TTN: variants seen among roughly 807,000 people sequenced by gnomAD.
TTN encodes the protein titin.
TTN carries 1,525 observed loss-of-function variants against 3,223.0 expected under a neutral mutation model. The observed-to-expected ratio is 0.47, with a 90% CI of 0.45 to 0.49. The LOEUF is 0.49. Among genes scored for constraint, TTN ranks in the 20% least tolerant of loss-of-function variants. TTN has a pLI of 0.00. For missense variants in TTN, 40,786 were observed against 43,424.0 expected (o/e 0.94, Z 5.40); for synonymous variants, 14,094 against 15,161.0 (o/e 0.93, Z 5.17).
chr2:178,745,419 AC>A, intron 47 of TTN: 1 of 1,444,992 alleles, frequency 6.9e-7, no homozygotes, highest in Non-Finnish European at 9.1e-7. Context: ...TACATGTATT[AC>A]AAAGATGAGA....
chr2:178,602,046 T>C lies in TTN; in HGVS notation c.55225A>G (p.Lys18409Glu). The change falls in exon 284 of 363, where the codon AAA becomes GAA. Residue 18409 changes from lysine (K) to glutamate (E), a missense_variant. By Grantham distance (56) the Lys-to-Glu change is moderately conservative. Transcript: ENST00000589042. ...TTTCCATCAAATTCCCAAGATGATT[T>C]TGGTGTTGGGCGTCCCTTGATGACA... ...PAVIKGRPTPKSSWEFDGKAK... is the reference protein window; with the variant it reads ...PAVIKGRPTPESSWEFDGKAK... 2 of 1,612,796 alleles carry C rather than the reference T, an allele frequency of 1.2e-6. No homozygotes were observed. The highest frequency in any genetic ancestry group is 1.1e-5 in the South Asian group (1 of 91,026).
chr2:178,698,245 G>A (rs1378562388), intron 112 of TTN, among the ~76,000 whole-genome samples: 1 of 149,514 alleles, frequency 6.7e-6, no homozygotes, highest in Admixed American at 6.7e-5. Flanking sequence ...GAGGGAATGG[G>A]GAAATGTTGG....
At chr2:178,730,442 A>T in intron 61 of TTN, 63 bp downstream of exon 61, 2 of 1,553,154 alleles carry the variant, frequency 1.3e-6, no homozygotes, top group Non-Finnish European at 1.7e-6. Flanking sequence ...TAAAGGTGAA[A>T]ATTTAGAAAT....
rs1689939056 is a variant in TTN at position 178,793,255 on chromosome 2, C to T, written c.1536+149G>A. On this transcript the variant is annotated intron_variant, in intron 9 of 362. Coordinates refer to ENST00000589042, the MANE Select transcript of TTN (RefSeq NM_001267550.2). The stretch of plus-strand genomic sequence containing the variant: ...CACTACCAAACTTTGGTATCCAGTA[C>T]CCAGAAATTTACACATACAACAAGG... The T allele has an allele frequency of 4.8e-6, 6 of 1,243,812 alleles. No individual in the cohort carries two copies. In the Admixed American group the frequency reaches 1.4e-4, roughly 29 times the overall value. The allele number at this position is 1,243,812 out of a possible 1,614,324, so 77.0% of individuals were successfully genotyped here. A position where few individuals can be genotyped will look rare whatever the true frequency, so the allele number is the denominator to read the frequency against.
Position 178,782,914 on chromosome 2 carries a change from C to A in TTN, c.2992G>T (p.Ala998Ser). 3 of 1,614,074 alleles carry A rather than the reference C, an allele frequency of 1.9e-6. No homozygotes were observed. Among genetic ancestry groups the A allele is most frequent in the Non-Finnish European group, 2.5e-6 (3 of 1,179,992 alleles). The change falls in exon 18 of 363, where the codon GCT becomes TCT. Residue 998 changes from alanine (A) to serine (S), a missense_variant. By Grantham distance (99) the Ala-to-Ser change is moderately conservative. Coordinates refer to ENST00000589042, the MANE Select transcript of TTN (RefSeq NM_001267550.2). ...DFQITFQSGI[A>S]RLMIREAFAE... ...AATGCTTCGCGAATCATAAGACGAG[C>A]AATTCCACTCTGGAAGGTTATCTGG...
intron 213 of TTN, among the ~76,000 whole-genome samples, chr2:178,648,255 G>C (rs1202101068): frequency 6.6e-6 from 1 of 151,864 alleles, no homozygotes; most frequent in Non-Finnish European, 1.5e-5. Flanking sequence ...TTTATATCTG[G>C]TATTATCTTT....
chr2:178,552,851 C>T lies in TTN; in HGVS notation c.90049G>A (p.Glu30017Lys), dbSNP rs1559211738. 1 of 1,613,778 alleles carries T rather than the reference C, an allele frequency of 6.2e-7. No homozygotes were observed. Among genetic ancestry groups the T allele is most frequent in the Non-Finnish European group, 8.5e-7 (1 of 1,179,794 alleles). The change falls in exon 335 of 363, where the codon GAA (glutamate) becomes AAA (lysine). Residue 30017 changes from glutamate to lysine, a missense_variant. Coordinates refer to ENST00000589042, the MANE Select transcript of TTN (RefSeq NM_001267550.2). Reference sequence around the variant, plus strand: ...ACTGGCTCTGTAGTTTCACAGGGTTCCCCAATTCCAATTTCATTTTCTGCA... The same window carrying T: ...ACTGGCTCTGTAGTTTCACAGGGTTTCCCAATTCCAATTTCATTTTCTGCA... ...VLAENEIGIG[E>K]PCETTEPVKA...
At chr2:178,751,176 G>A (rs376931109) in intron 47 of TTN, 1 of 1,611,298 alleles carries the variant, frequency 6.2e-7, no homozygotes, top group Non-Finnish European at 8.5e-7. Flanking sequence ...CTAGAGAACA[G>A]AATATCTTTA....
At chr2:178,799,757 C>T (rs1225455601) in intron 5 of TTN, 26 bp from the exon 6 acceptor site, 5 of 1,614,050 alleles carry the variant, frequency 3.1e-6, no homozygotes, top group African/African-American at 2.7e-5. Flanking sequence ...ACAAAGCCCA[C>T]GTTGAGGAGG....
chr2:178,577,644 G>A lies in TTN; in HGVS notation c.68782C>T (p.Pro22928Ser), dbSNP rs1206552803. The A allele has an allele frequency of 1.2e-6, 2 of 1,612,528 alleles. No homozygotes were observed. The highest frequency in any genetic ancestry group is 1.7e-6 in the Non-Finnish European group (2 of 1,179,382). The change falls in exon 323 of 363, where the codon CCA (proline) becomes TCA (serine). Residue 22928 changes from proline (P) to serine (S), a missense_variant. Pro to Ser is a moderately conservative substitution (Grantham distance 74). Coordinates refer to ENST00000589042, the MANE Select transcript of TTN (RefSeq NM_001267550.2). ...ATAATGGTTTCTGTACTTTCTGATG[G>A]AGCACTGATAGCACCTGCTGTATTC... ...AKNTAGAISA[P>S]SESTETIICK...
In TTN at chr2:178,675,048, G is replaced by C; in HGVS notation, c.34603C>G (p.Pro11535Ala). 1 of 1,536,166 alleles carries C rather than the reference G, an allele frequency of 6.5e-7. No individual in the cohort carries two copies. The highest frequency in any genetic ancestry group is 8.7e-7 in the Non-Finnish European group (1 of 1,147,996). ...IILPKEEEVL[P>A]VEVTEEPEEE... ...TTAGAAAGTTATCTACCTTCAACTG[G>C]TAGAACTTCCTCTTCTTTAGGGAGA... is the stretch of plus-strand genomic sequence containing the variant. Residue 11535 changes from proline (P) to alanine (A), a missense_variant, in exon 150 of 363, where the codon CCA becomes GCA. Pro to Ala is a conservative substitution (Grantham distance 27, BLOSUM62 -1). Transcript: ENST00000589042.
At position 178,733,848 on chromosome 2, in the gene TTN, C is replaced by T. The variant is rs1477393359; in HGVS notation, c.15541G>A (p.Gly5181Arg). Residue 5181 changes from glycine (G) to arginine (R), a missense_variant, in exon 53 of 363, where the codon GGA (glycine) becomes AGA (arginine). By Grantham distance (125) the Gly-to-Arg change is moderately radical. Transcript: ENST00000589042. ...VKKVDDLIAL[G>R]GQTVTLQAAV... The stretch of plus-strand genomic sequence containing the variant: ...GCTTGCAGGGTAACGGTTTGTCCTC[C>T]TAGTGCAATCAAATCATCTACTTTC... 4.4e-6 allele frequency: 7 copies of T among 1,608,266 alleles called. No individual in the cohort carries two copies. The East Asian group carries it at 1.6e-4, about 36-fold the overall frequency.
chr2:178,792,139 G>A lies in TTN; in HGVS notation c.1595C>T (p.Ala532Val). The A allele has an allele frequency of 1.9e-6, 3 of 1,611,890 alleles. No homozygotes were observed. The highest frequency in any genetic ancestry group is 2.5e-6 in the Non-Finnish European group (3 of 1,179,350). ...AGAAATTCTAGTTTCTTGTTCTTTG[G>A]CTTTAGCTGCGGAAATTACTACCTT... ...VPKVVISAAK[A>V]KEQETRISEE... The change falls in exon 10 of 363, where the codon GCC becomes GTC. Residue 532 changes from alanine (A) to valine (V), a missense_variant. Physicochemically the swap from Ala to Val is moderately conservative, Grantham distance 64. Coordinates refer to ENST00000589042, the MANE Select transcript of TTN (RefSeq NM_001267550.2).
At chr2:178,726,182 G>T in intron 69 of TTN, 136 bp from the exon 70 acceptor site, 1 of 1,032,996 alleles carries the variant, frequency 9.7e-7, no homozygotes, top group Non-Finnish European at 1.3e-6. Context: ...ACACTCTCAT[G>T]GGATAACAGC....
chr2:178,702,714 C>T, intron 106 of TTN, 51 bp from the exon 107 acceptor site: 1 of 1,468,718 alleles, frequency 6.8e-7, no homozygotes, highest in Non-Finnish European at 9.2e-7. Flanking sequence ...AGAGGAATTT[C>T]TTTTACTTGC....
Position 178,664,513 on chromosome 2 carries a change from A to G in TTN, c.36227T>C (p.Val12076Ala), listed in dbSNP as rs772990799. 1 of 1,612,302 alleles carries G rather than the reference A, an allele frequency of 6.2e-7. No homozygotes were observed. The highest frequency in any genetic ancestry group is 2.2e-5 in the East Asian group (1 of 44,880). ...GGGAGGATGCACTTTCTTTTCCGGG[A>G]CAACTTCTCTGAGAGCCTCCGGCAC... ...DEVPEALREV[V>A]PEKKVHPPQR... Residue 12076 changes from valine to alanine, a missense_variant, in exon 168 of 363, where the codon GTC becomes GCC. Val to Ala is a moderately conservative substitution (Grantham distance 64). Coordinates refer to ENST00000589042, the MANE Select transcript of TTN (RefSeq NM_001267550.2).
At chr2:178,747,262 C>T (rs1464484871) in intron 47 of TTN, 3 of 1,613,082 alleles carry the variant, frequency 1.9e-6, no homozygotes, top group East Asian at 4.5e-5. Context: ...TTTCTCCTAC[C>T]TCACCTTCGG....
Position 178,543,955 on chromosome 2 carries a change from G to A in TTN, c.96189C>T (p.Thr32063=), listed in dbSNP as rs544886477. 5.6e-6 allele frequency: 9 copies of A among 1,613,660 alleles called. No homozygotes were observed. In the African/African-American group the frequency reaches 9.3e-5, roughly 17 times the overall value. ...CTATTAGCAATGAGTAGCTCTCAGT[G>A]GTGTCAATAATTGCCCGGCTTGCAA... is the stretch of plus-strand genomic sequence containing the variant. The part of the protein sequence containing the change: ...IDLASRAIID[T]TESYSLLIVD... Residue 32063 remains threonine, a synonymous_variant, in exon 346 of 363, where the codon ACC becomes ACT. Coordinates refer to ENST00000589042, the MANE Select transcript of TTN (RefSeq NM_001267550.2).
intron 47 of TTN, chr2:178,748,198 G>T: frequency 6.2e-7 from 1 of 1,613,012 alleles, no homozygotes; most frequent in African/African-American, 1.3e-5. Context: ...TTGGAAGTAG[G>T]GCACATGATT....
Sources: allele counts gnomAD v4.1 joint callset (sites outside exome capture counted in the v4.1 genomes callset), GRCh38; gene constraint gnomAD v4.1.1; transcripts MANE v1.5; gene names NCBI Gene and HGNC (gene_info 2026-07-23, HGNC 2026-07-21).